The following HHAT variants were observed in gnomAD, a reference collection of about 807,000 sequenced individuals.
The protein encoded by HHAT is hedgehog acyltransferase, also known as protein-cysteine N-palmitoyltransferase HHAT.
HHAT carries 47 observed loss-of-function variants against 70.8 expected under a neutral mutation model. The ratio of observed to expected loss-of-function variants is 0.66; its 90% CI spans 0.53 to 0.85. The LOEUF is 0.85. HHAT is among the 40% of genes least tolerant of loss of function. HHAT has a pLI of 0.00. For synonymous variants in HHAT, 228 were observed against 247.6 expected, an observed-to-expected ratio of 0.92 and a Z score of 0.74; for missense variants, 609 against 604.8, an observed-to-expected ratio of 1.01 and a Z score of -0.07.
At position 210,549,722 on chromosome 1, in the gene HHAT, C is replaced by T. The variant is rs1482412121; in HGVS notation, c.1043+36534C>T. Among the ~76,000 whole-genome samples, 2 of 148,762 alleles carry T rather than the reference C, an allele frequency of 1.3e-5. 1 individual carries two copies. The highest frequency in any genetic ancestry group is 2.9e-5 in the Non-Finnish European group (2 of 67,872). ...AGGATAAAAATAAAGAAGCTGGGTA[C>T]AGTGGTGTACGCCTGTAGTCCCAGC... On this transcript the variant is annotated intron_variant, in intron 9 of 11. Coordinates refer to ENST00000261458, the MANE Select transcript of HHAT (RefSeq NM_018194.6).
chr1:210,335,491 ATTCTAGACAGTC>A (rs1306475625), intron 1 of HHAT, among the ~76,000 whole-genome samples: 1 of 152,190 alleles, frequency 6.6e-6, no homozygotes, highest in East Asian at 1.9e-4. Context: ...TTATTTGGAA[ATTCTAGACAGTC>A]TTAAGAGCAA....
Position 210,362,932 on chromosome 1 carries a change from T to G in HHAT, c.159+13T>G. On this transcript the variant is annotated intron_variant, in intron 3 of 11. Transcript: ENST00000261458. ...AGGATTAAAGAAGGTACAAAGTGGATGCATAATAAATCTCAGTTTTCAAAC... is the reference window on the plus strand; with the variant it reads ...AGGATTAAAGAAGGTACAAAGTGGAGGCATAATAAATCTCAGTTTTCAAAC... 1 of 1,586,530 alleles carries G rather than the reference T, an allele frequency of 6.3e-7. No homozygotes were observed. Among genetic ancestry groups the G allele is most frequent in the Non-Finnish European group, 8.7e-7 (1 of 1,154,966 alleles).
chr1:210,465,682 A>G (rs1376311688), intron 8 of HHAT, among the ~76,000 whole-genome samples: 1 of 152,250 alleles, frequency 6.6e-6, no homozygotes, highest in Non-Finnish European at 1.5e-5. Context: ...GGAAGAGCTC[A>G]ATAAATACTG....
Position 210,400,798 on chromosome 1 carries a change from G to T in HHAT, c.468+136G>T. 5.1e-6 allele frequency: 4 copies of T among 778,120 alleles called. No individual in the cohort carries two copies. In the Admixed American group the frequency reaches 8.9e-5, roughly 17 times the overall value. The allele number at this position is 778,120 out of a possible 1,614,324, so 48.2% of individuals were successfully genotyped here. On this transcript the variant is annotated intron_variant, in intron 5 of 11. Transcript: ENST00000261458. ...GGGGCTCCCCATAGTGGCCGTACAG[G>T]GTTGCTACAAGTGAACCCTAGTGGT... is the stretch of plus-strand genomic sequence containing the variant.
chr1:210,499,028 A>C (rs1181663386), intron 8 of HHAT, among the ~76,000 whole-genome samples: 1 of 152,054 alleles, frequency 6.6e-6, no homozygotes, highest in Non-Finnish European at 1.5e-5. Context: ...TCAGCCTCTC[A>C]AAGTGCTGGG....
At chr1:210,513,223 A>C (rs758920843) in intron 9 of HHAT, 35 bp downstream of exon 9, 3 of 1,106,798 alleles carry the variant, frequency 2.7e-6, no homozygotes, top group Non-Finnish European at 4.1e-6. Context: ...ATAACATTGA[A>C]TAACATGTCT....
chr1:210,640,942 T>C (rs539604659), intron 11 of HHAT, among the ~76,000 whole-genome samples: 1 of 152,334 alleles, frequency 6.6e-6, no homozygotes, highest in South Asian at 2.1e-4. Flanking sequence ...CAGAGCTGAT[T>C]TTTGAGCCCA....
chr1:210,465,710 A>T (rs890844146), intron 8 of HHAT, among the ~76,000 whole-genome samples: 1 of 152,236 alleles, frequency 6.6e-6, no homozygotes, highest in Non-Finnish European at 1.5e-5. Context: ...TAATGTTGCC[A>T]TTCAAAAGGA....
chr1:210,449,000 CAT>C (rs1364976801), intron 7 of HHAT, among the ~76,000 whole-genome samples: 4 of 152,222 alleles, frequency 2.6e-5, no homozygotes, highest in Admixed American at 6.5e-5. Context: ...CCCTGGCTCT[CAT>C]GTGGCATTTG....
intron 3 of HHAT, chr1:210,374,146 A>G (rs2089914201): frequency 6.6e-6 from 1 of 152,178 alleles, no homozygotes; most frequent in Non-Finnish European, 1.5e-5. Context: ...TTTTTTATAA[A>G]ACATGATCTG....
chr1:210,615,733 T>C lies in HHAT; in HGVS notation c.1246-7793T>C, dbSNP rs978396407. Among the ~76,000 whole-genome samples the C allele has an allele frequency of 6.4e-4, 97 of 152,356 alleles. 1 individual carries two copies. Among genetic ancestry groups the C allele is most frequent in the African/African-American group, 2.2e-3 (92 of 41,590 alleles). On this transcript the variant is annotated intron_variant, in intron 10 of 11. Transcript: ENST00000261458. ...ACCCTGTTTGCCTAGGTATCAGCAG[T>C]GGAGGCTGCAGAGCAGCGAATATTG...
intron 1 of HHAT, among the ~76,000 whole-genome samples, chr1:210,338,367 T>C (rs2085701357): frequency 6.6e-6 from 1 of 152,016 alleles, no homozygotes; most frequent in Non-Finnish European, 1.5e-5. Context: ...ACCAAGTCAT[T>C]GAAGTAATGG....
intron 11 of HHAT, among the ~76,000 whole-genome samples, chr1:210,638,722 C>CAAAAAAAAAAAAAAAAAAAAAAAAAAAAA (rs71146238): frequency 1.0e-5 from 1 of 95,264 alleles, no homozygotes. Flanking sequence ...CCTGTATTTA[C>CAAAAAAAAAAAAAAAAAAAAAAAAAAAAA]AAAAAAAAAA....
intron 9 of HHAT, among the ~76,000 whole-genome samples, chr1:210,535,180 G>T (rs1257120464): frequency 6.6e-6 from 1 of 152,168 alleles, no homozygotes; most frequent in African/African-American, 2.4e-5. Flanking sequence ...GGAGCTCTGG[G>T]TTATAGGACC....
chr1:210,570,202 G>T (rs990929802), intron 9 of HHAT, among the ~76,000 whole-genome samples: 4 of 152,198 alleles, frequency 2.6e-5, no homozygotes, highest in Non-Finnish European at 4.4e-5. Context: ...ATGATCTCTA[G>T]CCCACATTCT....
chr1:210,417,235 T>C (rs1188051715), intron 6 of HHAT, among the ~76,000 whole-genome samples: 1 of 152,098 alleles, frequency 6.6e-6, no homozygotes, highest in Non-Finnish European at 1.5e-5. Context: ...TATTTTACTT[T>C]TGTTTTGTTT....
chr1:210,387,360 A>G (rs184022820), intron 3 of HHAT, 108 bp from the exon 4 acceptor site: 5 of 863,698 alleles, frequency 5.8e-6, no homozygotes, highest in African/African-American at 3.3e-5. Context: ...CCTCTTTTAC[A>G]GAGTTTGGAC....
At chr1:210,328,602 G>A (rs1009126148), upstream of HHAT, among the ~76,000 whole-genome samples, 1 of 152,220 alleles carries the variant, frequency 6.6e-6, no homozygotes, top group Non-Finnish European at 1.5e-5. Flanking sequence ...CGTAGGTGGG[G>A]ACCACTGGTG....
chr1:210,426,295 G>T (rs1311967801), intron 7 of HHAT, among the ~76,000 whole-genome samples: 1 of 151,854 alleles, frequency 6.6e-6, no homozygotes, highest in Non-Finnish European at 1.5e-5. Flanking sequence ...TAAACGGGTA[G>T]TTTTACTTCT....
Sources: gnomAD v4.1 joint callset for allele counts (sites outside exome capture counted in the v4.1 genomes callset) on GRCh38, gnomAD v4.1.1 for gene constraint, MANE v1.5 for transcripts, NCBI Gene and HGNC (gene_info 2026-07-23, HGNC 2026-07-21) for gene names.